SYT14: variants seen among roughly 807,000 people sequenced by gnomAD.
SYT14 encodes synaptotagmin-14.
SYT14 carries 32 observed loss-of-function variants against 74.2 expected under a neutral mutation model. The observed-to-expected ratio is 0.43, with a 90% confidence interval of 0.33 to 0.58. The LOEUF (loss-of-function observed/expected upper bound fraction) is 0.58. SYT14 is among the 20% of genes least tolerant of loss of function. The pLI is 0.05. For synonymous variants in SYT14, 298 were observed against 337.7 expected, an observed-to-expected ratio of 0.88 and a Z score of 1.29; for missense variants, 791 against 981.8, an observed-to-expected ratio of 0.81 and a Z score of 2.60.
At chr1:210,147,191 T>C (rs1046557189) in intron 7 of SYT14, among the ~76,000 whole-genome samples, 3 of 151,088 alleles carry the variant, frequency 2.0e-5, no homozygotes, top group Non-Finnish European at 4.4e-5. Flanking sequence ...AATAAGACAA[T>C]GTGGGAAAAG....
Position 210,110,950 on chromosome 1 carries a change from G to A in SYT14, c.2034+10489G>A, listed in dbSNP as rs563054008. 1.5e-4 allele frequency among the ~76,000 whole-genome samples: 23 copies of A among 152,272 alleles called. No homozygotes were observed. In the South Asian group the frequency reaches 1.7e-3, roughly 11 times the overall value. On this transcript the variant is annotated intron_variant, in intron 7 of 9. Coordinates refer to ENST00000637265, the Ensembl canonical transcript of SYT14. ...GTAGAGATGGGGTTTCTCCATGTTG[G>A]TCAGGCTGGTCTTGAACTCCCGACT...
exon 10 of SYT14, chr1:210,161,162 CA>C (rs2083366513): frequency 1.8e-6 from 2 of 1,120,268 alleles, no homozygotes; most frequent in African/African-American, 3.1e-5. Flanking sequence ...AACCTTCTAC[CA>C]AAATGCTTTA....
At chr1:210,076,592 T>C (rs528965635) in intron 5 of SYT14, among the ~76,000 whole-genome samples, 2 of 152,288 alleles carry the variant, frequency 1.3e-5, no homozygotes, top group South Asian at 4.1e-4. Context: ...AGGCTGTTTA[T>C]AAAGAAAAGA....
intron 5 of SYT14, among the ~76,000 whole-genome samples, chr1:210,059,921 G>C (rs2081177577): frequency 2.0e-5 from 3 of 152,104 alleles, no homozygotes; most frequent in Admixed American, 6.6e-5. Context: ...TATCTACAGT[G>C]GGTGGAGAAT....
intron 2 of SYT14, among the ~76,000 whole-genome samples, chr1:210,000,463 TACGC>T (rs1558120935): frequency 1.5e-5 from 1 of 67,760 alleles, no homozygotes; most frequent in African/African-American, 9.1e-5. Context: ...TTTGTCCTCA[TACGC>T]ACACACACAC....
chr1:210,077,359 C>T (rs2081522132), intron 5 of SYT14, among the ~76,000 whole-genome samples: 1 of 152,210 alleles, frequency 6.6e-6, no homozygotes, highest in African/African-American at 2.4e-5. Flanking sequence ...CGCTTGCCAC[C>T]AGGCCCCACC....
At chr1:209,985,922 A>G (rs1197364154) in intron 2 of SYT14, among the ~76,000 whole-genome samples, 3 of 152,072 alleles carry the variant, frequency 2.0e-5, no homozygotes, top group African/African-American at 7.2e-5. Context: ...TACAGGAGCA[A>G]TTTCCCAAGG....
intron 7 of SYT14, among the ~76,000 whole-genome samples, chr1:210,145,671 C>T (rs1285275432): frequency 6.6e-6 from 1 of 152,140 alleles, no homozygotes; most frequent in Non-Finnish European, 1.5e-5. Context: ...TCCTTTCCAT[C>T]TGCATTTTCC....
chr1:209,942,369 C>G (rs200840971), intron 1 of SYT14, among the ~76,000 whole-genome samples: 7,600 of 133,580 alleles, frequency 0.057, 1,305 homozygotes, highest in East Asian at 0.45. Flanking sequence ...TACCCCCCCC[C>G]CCCCGCTCTG....
chr1:210,082,266 C>T (rs1057237005), intron 5 of SYT14, among the ~76,000 whole-genome samples: 3 of 152,178 alleles, frequency 2.0e-5, no homozygotes, highest in Non-Finnish European at 4.4e-5. Context: ...GTCTTCCAGT[C>T]TTTCTCCTCC....
At chr1:209,954,731 A>G (rs1440247173) in intron 2 of SYT14, among the ~76,000 whole-genome samples, 1 of 150,006 alleles carries the variant, frequency 6.7e-6, no homozygotes, top group East Asian at 1.9e-4. Flanking sequence ...TTCCAGAGAC[A>G]GATTCTCACT....
intron 5 of SYT14, among the ~76,000 whole-genome samples, chr1:210,021,821 A>T (rs1194197895): frequency 6.6e-6 from 1 of 152,174 alleles, no homozygotes; most frequent in Non-Finnish European, 1.5e-5. Context: ...ATTTTCAAGG[A>T]TTTCAGTAAT....
chr1:210,151,151 T>C (rs1181171561), intron 7 of SYT14, among the ~76,000 whole-genome samples: 1 of 152,198 alleles, frequency 6.6e-6, no homozygotes, highest in Non-Finnish European at 1.5e-5. Flanking sequence ...AAGTTTTACT[T>C]TGGGGAGCCT....
At chr1:209,990,313 A>G (rs1050349761) in intron 2 of SYT14, among the ~76,000 whole-genome samples, 9 of 151,816 alleles carry the variant, frequency 5.9e-5, no homozygotes, top group African/African-American at 1.9e-4. Flanking sequence ...CTAAGTTTAG[A>G]AAATTAGCAT....
chr1:209,981,753 A>T (rs528266578), intron 2 of SYT14, among the ~76,000 whole-genome samples: 3 of 152,030 alleles, frequency 2.0e-5, no homozygotes, highest in Admixed American at 6.6e-5. Context: ...ACTATGCCTG[A>T]CCCAGACTTT....
At chr1:210,042,673 T>A (rs2102349253) in intron 5 of SYT14, among the ~76,000 whole-genome samples, 1 of 152,266 alleles carries the variant, frequency 6.6e-6, no homozygotes, top group African/African-American at 2.4e-5. Context: ...TGGTTGTAGA[T>A]GTATGGCGTG....
chr1:209,999,491 T>C (rs982691649), intron 2 of SYT14, among the ~76,000 whole-genome samples: 1 of 152,118 alleles, frequency 6.6e-6, no homozygotes, highest in Non-Finnish European at 1.5e-5. Flanking sequence ...AGCAGAGATA[T>C]GAAATCAATG....
At chr1:210,135,292 T>C (rs2082761408) in intron 7 of SYT14, among the ~76,000 whole-genome samples, 2 of 152,208 alleles carry the variant, frequency 1.3e-5, no homozygotes, top group African/African-American at 2.4e-5. Context: ...TCCCTGTCTT[T>C]TTTTTCCTCT....
chr1:210,075,049 G>T (rs1452812515), intron 5 of SYT14, among the ~76,000 whole-genome samples: 1 of 152,196 alleles, frequency 6.6e-6, no homozygotes, highest in Non-Finnish European at 1.5e-5. Context: ...GTAGCTCTCA[G>T]CAGATGGGAT....
Sources: allele counts gnomAD v4.1 joint callset (sites outside exome capture counted in the v4.1 genomes callset), GRCh38; gene constraint gnomAD v4.1.1; transcripts MANE v1.5; gene names NCBI Gene and HGNC (gene_info 2026-07-23, HGNC 2026-07-21).